ANXA8: variants seen among roughly 807,000 people sequenced by gnomAD.
ANXA8 encodes VAC-beta.
ANXA8 carries 9 observed loss-of-function variants against 26.8 expected under a neutral mutation model. The observed-to-expected ratio is 0.34, with a 90% CI of 0.20 to 0.59. The LOEUF (loss-of-function observed/expected upper bound fraction) is 0.59. Among genes scored for constraint, ANXA8 ranks in the 20% least tolerant of loss-of-function variants. The pLI is 0.84. For synonymous variants in ANXA8, 39 were observed against 94.8 expected (o/e 0.41, Z 3.42); for missense variants, 83 against 238.5 (o/e 0.35, Z 4.29).
chr10:47,769,709 G>C, the ANXA8 span, among the ~76,000 whole-genome samples: 1 of 152,300 alleles, frequency 6.6e-6, no homozygotes, highest in Non-Finnish European at 1.5e-5. Flanking sequence ...TGCTGAGCCT[G>C]TGGGAAGGCT....
chr10:47,776,524 C>T, the ANXA8 span, among the ~76,000 whole-genome samples: 355 of 151,880 alleles, frequency 2.3e-3, 5 homozygotes, highest in African/African-American at 7.8e-3. Flanking sequence ...CTCCAGTATC[C>T]GGCTTCATGT....
At chr10:47,970,979 G>A in the ANXA8 span, among the ~76,000 whole-genome samples, 6 of 151,358 alleles carry the variant, frequency 4.0e-5, no homozygotes, top group East Asian at 1.2e-3. Context: ...GGGTCCAACA[G>A]GAAAGACATC....
At chr10:47,501,570 G>A in the ANXA8 span, among the ~76,000 whole-genome samples, 21 of 138,632 alleles carry the variant, frequency 1.5e-4, 1 homozygote, top group African/African-American at 5.0e-4. Flanking sequence ...TTAGCCAGGT[G>A]TGGTGGCAGG....
At chr10:47,743,257 T>C in the ANXA8 span, among the ~76,000 whole-genome samples, 1 of 128,726 alleles carries the variant, frequency 7.8e-6, no homozygotes, top group East Asian at 2.3e-4. Context: ...TATATATATA[T>C]ATATATACAT....
the ANXA8 span, among the ~76,000 whole-genome samples, chr10:47,700,114 A>G: frequency 1.3e-5 from 2 of 152,026 alleles, no homozygotes; most frequent in Non-Finnish European, 2.9e-5. Context: ...TGTAGTTCCA[A>G]TGAAAATATA....
At chr10:47,735,699 T>C in the ANXA8 span, among the ~76,000 whole-genome samples, 1 of 151,656 alleles carries the variant, frequency 6.6e-6, no homozygotes, top group Admixed American at 6.6e-5. Flanking sequence ...AGTGCAGTGG[T>C]GTGATCATGG....
the ANXA8 span, among the ~76,000 whole-genome samples, chr10:47,495,342 G>A: frequency 2.3e-3 from 337 of 148,236 alleles, 5 homozygotes; most frequent in African/African-American, 7.9e-3. Flanking sequence ...CTGAAGTGCA[G>A]TAGCATGATC....
intron 5 of ANXA8, 106 bp downstream of exon 5, chr10:47,476,126 A>G: frequency 4.6e-6 from 1 of 218,914 alleles, no homozygotes; most frequent in Non-Finnish European, 7.7e-6. Context: ...AAGTCCCCAA[A>G]GGGTCCTTTC....
At chr10:47,485,957 A>C (rs1304685908), upstream of ANXA8, among the ~76,000 whole-genome samples, 8 of 151,872 alleles carry the variant, frequency 5.3e-5, no homozygotes, top group South Asian at 8.3e-4. Context: ...AAATACAAAA[A>C]ATTAGCCAGG....
chr10:47,497,755 T>C, the ANXA8 span, among the ~76,000 whole-genome samples: 2 of 149,748 alleles, frequency 1.3e-5, no homozygotes, highest in African/African-American at 4.9e-5. Context: ...CTGGCGAACA[T>C]GGTGAAACCC....
At chr10:47,487,075 C>A (rs1840062195), upstream of ANXA8, 2 of 649,562 alleles carry the variant, frequency 3.1e-6, no homozygotes, top group South Asian at 3.9e-5. Context: ...GTGATAGACA[C>A]CCCAAACACC....
chr10:47,502,004 A>C, the ANXA8 span: 5 of 1,347,478 alleles, frequency 3.7e-6, no homozygotes, highest in Non-Finnish European at 5.1e-6. Flanking sequence ...TTCCTTTTGA[A>C]ATTCTGAGTT....
the ANXA8 span, among the ~76,000 whole-genome samples, chr10:47,546,694 C>T: frequency 8.2e-5 from 11 of 134,530 alleles, no homozygotes; most frequent in East Asian, 3.2e-4. Flanking sequence ...CGTGAGCCAC[C>T]GCACCTGGCC....
chr10:47,748,602 C>T, the ANXA8 span, among the ~76,000 whole-genome samples: 1 of 152,206 alleles, frequency 6.6e-6, no homozygotes, highest in African/African-American at 2.4e-5. Flanking sequence ...CACATTTCTT[C>T]TTTTCTTTTT....
chr10:47,924,922 ACAAAGCAACCCC>A, the ANXA8 span, among the ~76,000 whole-genome samples: 2 of 131,448 alleles, frequency 1.5e-5, no homozygotes, highest in Non-Finnish European at 1.6e-5. Flanking sequence ...GCCCACATGC[ACAAAGCAACCCC>A]CAAATGCCAA....
the ANXA8 span, among the ~76,000 whole-genome samples, chr10:47,511,445 G>A: frequency 7.6e-6 from 1 of 131,090 alleles, no homozygotes; most frequent in Non-Finnish European, 1.6e-5. Context: ...CAACAAGTGA[G>A]GAAGCCATAG....
chr10:47,953,923 C>A, the ANXA8 span, among the ~76,000 whole-genome samples: 1 of 149,602 alleles, frequency 6.7e-6, no homozygotes, highest in Non-Finnish European at 1.5e-5. Flanking sequence ...GAAAAGTGAA[C>A]CCTTATACAC....
the ANXA8 span, among the ~76,000 whole-genome samples, chr10:47,749,607 AGTT>A: frequency 6.6e-6 from 1 of 150,722 alleles, no homozygotes; most frequent in African/African-American, 2.5e-5. Context: ...AATGTACAGA[AGTT>A]GTAATCTGTG....
At chr10:47,734,648 AGAGTAT>A in the ANXA8 span, among the ~76,000 whole-genome samples, 1 of 128,460 alleles carries the variant, frequency 7.8e-6, no homozygotes, top group Admixed American at 8.1e-5. Flanking sequence ...CTTTCCTATT[AGAGTAT>A]AAGTAAATTA....
Sources: gnomAD v4.1 joint callset for allele counts (sites outside exome capture counted in the v4.1 genomes callset) on GRCh38, gnomAD v4.1.1 for gene constraint, MANE v1.5 for transcripts, NCBI Gene and HGNC (gene_info 2026-07-23, HGNC 2026-07-21) for gene names.